Variants in SRBD1 observed in about 807,000 individuals in gnomAD.
SRBD1 encodes S1 RNA binding domain 1.
SRBD1 carries 88 observed loss-of-function variants against 115.3 expected under a neutral mutation model. The observed-to-expected ratio is 0.76, with a 90% CI of 0.64 to 0.91. The LOEUF is 0.91. Among genes scored for constraint, SRBD1 ranks in the 40% least tolerant of loss-of-function variants. The pLI is 0.00. For synonymous variants in SRBD1, 509 were observed against 407.7 expected, an observed-to-expected ratio of 1.25 and a Z score of -2.99; for missense variants, 1,385 against 1,177.4, an observed-to-expected ratio of 1.18 and a Z score of -2.58.
chr2:45,530,721 A>G (rs1558458126), intron 14 of SRBD1, among the ~76,000 whole-genome samples: 1 of 152,022 alleles, frequency 6.6e-6, no homozygotes, highest in African/African-American at 2.4e-5. Flanking sequence ...CCCAGTTCCT[A>G]GTATCAGTCT....
chr2:45,527,718 T>C (rs1209090822), intron 14 of SRBD1, among the ~76,000 whole-genome samples: 2 of 151,876 alleles, frequency 1.3e-5, no homozygotes, highest in Non-Finnish European at 2.9e-5. Flanking sequence ...ACTTCAGAGA[T>C]GAAGAGACAC....
At chr2:45,485,559 G>A (rs1261463379) in intron 15 of SRBD1, among the ~76,000 whole-genome samples, 5 of 152,070 alleles carry the variant, frequency 3.3e-5, no homozygotes, top group African/African-American at 1.2e-4. Context: ...CCAATTTAGA[G>A]GCCATGTACC....
intron 4 of SRBD1, among the ~76,000 whole-genome samples, chr2:45,590,868 T>C (rs895147096): frequency 1.3e-4 from 19 of 151,978 alleles, no homozygotes; most frequent in African/African-American, 4.4e-4. Flanking sequence ...AATACAAAAA[T>C]TAGCTGGGCA....
At chr2:45,397,730 A>T (rs1192116707) in intron 19 of SRBD1, among the ~76,000 whole-genome samples, 1 of 152,192 alleles carries the variant, frequency 6.6e-6, no homozygotes, top group East Asian at 1.9e-4. Context: ...TGGCCTCCCA[A>T]GTAGCTGGAA....
intron 7 of SRBD1, 91 bp from the exon 8 acceptor site, chr2:45,574,814 T>A: frequency 8.8e-7 from 1 of 1,134,186 alleles, no homozygotes; most frequent in South Asian, 1.5e-5. Context: ...TTAATTCCAG[T>A]CAAAATAAAA....
At chr2:45,474,913 A>C (rs536744113) in intron 16 of SRBD1, among the ~76,000 whole-genome samples, 1 of 152,316 alleles carries the variant, frequency 6.6e-6, no homozygotes, top group South Asian at 2.1e-4. Flanking sequence ...AGGAGTTCTG[A>C]ATATGCAGCT....
At chr2:45,487,722 T>C (rs1670163882) in intron 15 of SRBD1, among the ~76,000 whole-genome samples, 1 of 152,142 alleles carries the variant, frequency 6.6e-6, no homozygotes, top group African/African-American at 2.4e-5. Flanking sequence ...TGGCACAATC[T>C]TGGCTCACTA....
At chr2:45,418,139 T>C (rs1426383559) in intron 18 of SRBD1, among the ~76,000 whole-genome samples, 1 of 152,232 alleles carries the variant, frequency 6.6e-6, no homozygotes, top group Non-Finnish European at 1.5e-5. Context: ...AGTTTGCTTA[T>C]TGTCTGTGTC....
intron 19 of SRBD1, among the ~76,000 whole-genome samples, chr2:45,405,100 G>T (rs1397127845): frequency 2.6e-5 from 4 of 152,016 alleles, no homozygotes; most frequent in Admixed American, 2.6e-4. Context: ...CTCTTTCCCT[G>T]TTTCCCACAA....
chr2:45,549,246 G>C (rs1034876871), intron 12 of SRBD1, among the ~76,000 whole-genome samples: 1 of 149,184 alleles, frequency 6.7e-6, no homozygotes, highest in African/African-American at 2.5e-5. Context: ...ATAAAGGAAA[G>C]CAACAGAGAA....
chr2:45,450,744 A>G (rs1018281947), intron 16 of SRBD1, among the ~76,000 whole-genome samples: 3 of 152,168 alleles, frequency 2.0e-5, no homozygotes, highest in Non-Finnish European at 4.4e-5. Flanking sequence ...AAAGTGCCCT[A>G]TCTTGGCTGA....
intron 1 of SRBD1, 32 bp from the exon 2 acceptor site, chr2:45,605,473 C>G (rs1291999922): frequency 6.3e-7 from 1 of 1,576,270 alleles, no homozygotes; most frequent in Non-Finnish European, 8.7e-7. Context: ...ATCAGCAACA[C>G]TTGAATATTC....
intron 10 of SRBD1, among the ~76,000 whole-genome samples, chr2:45,562,128 TTC>T (rs1263088069): frequency 5.9e-5 from 9 of 152,202 alleles, no homozygotes; most frequent in African/African-American, 1.7e-4. Flanking sequence ...CTCCTGGATA[TTC>T]TCTGTTTAAA....
chr2:45,453,724 C>T (rs930733299), intron 16 of SRBD1, among the ~76,000 whole-genome samples: 5 of 151,784 alleles, frequency 3.3e-5, no homozygotes, highest in African/African-American at 4.8e-5. Flanking sequence ...TGTTTTTAAT[C>T]TTCACTGCAA....
chr2:45,562,459 C>A (rs1365587411), intron 10 of SRBD1, among the ~76,000 whole-genome samples, 194 bp downstream of exon 10: 2 of 152,154 alleles, frequency 1.3e-5, no homozygotes, highest in Non-Finnish European at 2.9e-5. Context: ...ATATTGAACT[C>A]CTGACCTCGC....
intron 1 of SRBD1, among the ~76,000 whole-genome samples, chr2:45,608,682 T>C (rs1216251121): frequency 6.6e-6 from 1 of 152,206 alleles, no homozygotes; most frequent in African/African-American, 2.4e-5. Flanking sequence ...ACTATTTAGA[T>C]GTCTCACAGT....
chr2:45,573,107 G>A, intron 9 of SRBD1, 100 bp downstream of exon 9: 1 of 1,268,690 alleles, frequency 7.9e-7, no homozygotes, highest in Non-Finnish European at 1.0e-6. Context: ...AAAGAAAACA[G>A]TTGACATAAA....
At chr2:45,571,967 T>A (rs1159067516) in intron 9 of SRBD1, among the ~76,000 whole-genome samples, 1 of 152,124 alleles carries the variant, frequency 6.6e-6, no homozygotes, top group Non-Finnish European at 1.5e-5. Context: ...GGATATTTTT[T>A]AAAATTATTA....
intron 9 of SRBD1, chr2:45,569,463 G>A (rs1672942978): frequency 6.6e-6 from 1 of 151,998 alleles, no homozygotes; most frequent in Non-Finnish European, 1.5e-5. Flanking sequence ...TGAGTAGCTG[G>A]GACTACAGGC....
Sources: gnomAD v4.1 joint callset for allele counts (sites outside exome capture counted in the v4.1 genomes callset) on GRCh38, gnomAD v4.1.1 for gene constraint, MANE v1.5 for transcripts, NCBI Gene and HGNC (gene_info 2026-07-23, HGNC 2026-07-21) for gene names.